Variants in CA8 observed in about 807,000 individuals in gnomAD.
CA8 encodes carbonic anhydrase-related protein.
Under a neutral mutation model 41.4 loss-of-function variants are expected in CA8, and 22 were observed. The observed-to-expected ratio is 0.53, with a 90% CI of 0.38 to 0.76. The LOEUF is 0.76. CA8 is among the 30% of genes least tolerant of loss of function. The pLI, the probability that CA8 is intolerant of heterozygous loss-of-function variation, is 0.00. For synonymous variants in CA8, 121 were observed against 130.6 expected (o/e 0.93, Z 0.50); for missense variants, 270 against 352.8 (o/e 0.77, Z 1.88).
chr8:60,227,148 G>A (rs1467965242), intron 4 of CA8, among the ~76,000 whole-genome samples: 1 of 152,084 alleles, frequency 6.6e-6, no homozygotes, highest in Non-Finnish European at 1.5e-5. Context: ...AAAATTAGCT[G>A]GGCATGGTGG....
chr8:60,266,139 GCT>G, intron 2 of CA8, 90 bp from the exon 3 acceptor site: 1 of 1,167,846 alleles, frequency 8.6e-7, no homozygotes, highest in Non-Finnish European at 1.2e-6. Flanking sequence ...CCACCAAAAT[GCT>G]CTCATGGGCT....
intron 2 of CA8, among the ~76,000 whole-genome samples, chr8:60,270,521 T>C (rs1275687923): frequency 6.6e-6 from 1 of 152,192 alleles, no homozygotes; most frequent in Non-Finnish European, 1.5e-5. Flanking sequence ...GTTCAAGAGA[T>C]TCTCCTGCCT....
At chr8:60,216,156 A>G (rs562263853) in intron 7 of CA8, among the ~76,000 whole-genome samples, 1 of 152,274 alleles carries the variant, frequency 6.6e-6, no homozygotes, top group South Asian at 2.1e-4. Context: ...TCTAACTCCT[A>G]GAATCACATT....
chr8:60,275,416 T>C (rs1476354880), intron 2 of CA8, among the ~76,000 whole-genome samples: 1 of 150,948 alleles, frequency 6.6e-6, no homozygotes, highest in Non-Finnish European at 1.5e-5. Context: ...TAGAAAAGAA[T>C]GAAGAAAGAT....
intron 8 of CA8, among the ~76,000 whole-genome samples, chr8:60,201,855 A>T (rs1310713749): frequency 6.6e-6 from 1 of 152,204 alleles, no homozygotes; most frequent in Admixed American, 6.6e-5. Flanking sequence ...TTCGTGTTGT[A>T]CTTTAATGCA....
intron 7 of CA8, among the ~76,000 whole-genome samples, chr8:60,217,056 G>T (rs1332824875): frequency 6.6e-6 from 1 of 151,946 alleles, no homozygotes; most frequent in Non-Finnish European, 1.5e-5. Flanking sequence ...GCTAATTTTT[G>T]TATCTTTAGT....
intron 8 of CA8, among the ~76,000 whole-genome samples, chr8:60,201,015 G>A (rs1034077047): frequency 2.6e-5 from 4 of 152,150 alleles, no homozygotes; most frequent in African/African-American, 9.7e-5. Flanking sequence ...GGGTTGTGAT[G>A]ACAAAGATGG....
intron 8 of CA8, among the ~76,000 whole-genome samples, chr8:60,195,026 T>C: frequency 6.6e-6 from 1 of 152,196 alleles, no homozygotes; most frequent in East Asian, 1.9e-4. Context: ...TACAAATTTA[T>C]TTGGTAAAAC....
chr8:60,233,658 T>G (rs1326132712), intron 3 of CA8, among the ~76,000 whole-genome samples: 1 of 152,238 alleles, frequency 6.6e-6, no homozygotes, highest in Non-Finnish European at 1.5e-5. Context: ...GTCCTAGTGG[T>G]AGAGGTAAGA....
intron 3 of CA8, among the ~76,000 whole-genome samples, chr8:60,246,709 T>C (rs1293446113): frequency 1.3e-5 from 2 of 152,162 alleles, no homozygotes; most frequent in Non-Finnish European, 2.9e-5. Context: ...CTGTACATAA[T>C]GTAACTCAGA....
At chr8:60,239,963 A>T (rs1807963464) in intron 3 of CA8, among the ~76,000 whole-genome samples, 1 of 152,158 alleles carries the variant, frequency 6.6e-6, no homozygotes, top group African/African-American at 2.4e-5. Context: ...CTTTTTCTTT[A>T]TAAATTACCC....
At chr8:60,253,113 T>C (rs1039875763) in intron 3 of CA8, among the ~76,000 whole-genome samples, 1 of 152,040 alleles carries the variant, frequency 6.6e-6, no homozygotes, top group Admixed American at 6.6e-5. Context: ...CACGCACTTA[T>C]AGTCCCAGCT....
chr8:60,247,074 G>A (rs1390614129), intron 3 of CA8, among the ~76,000 whole-genome samples: 10 of 151,668 alleles, frequency 6.6e-5, no homozygotes, highest in African/African-American at 1.9e-4. Flanking sequence ...TAGTAGAGAC[G>A]GGGTTTCACG....
At chr8:60,275,883 G>C (rs74754541) in intron 2 of CA8, among the ~76,000 whole-genome samples, 1 of 152,156 alleles carries the variant, frequency 6.6e-6, no homozygotes, top group Non-Finnish European at 1.5e-5. Flanking sequence ...GAAGCAGAAC[G>C]GCGCTAGATC....
intron 2 of CA8, among the ~76,000 whole-genome samples, chr8:60,276,636 A>C (rs1389513878): frequency 6.6e-6 from 1 of 152,212 alleles, no homozygotes; most frequent in Non-Finnish European, 1.5e-5. Flanking sequence ...AGGCATGAGA[A>C]ATTACATAAT....
intron 8 of CA8, among the ~76,000 whole-genome samples, chr8:60,196,582 T>C (rs1806288226): frequency 6.6e-6 from 1 of 152,198 alleles, no homozygotes; most frequent in South Asian, 2.1e-4. Flanking sequence ...CCTATGCATT[T>C]TTCCTTGATA....
At chr8:60,204,936 C>T (rs926811611) in intron 8 of CA8, among the ~76,000 whole-genome samples, 1 of 152,154 alleles carries the variant, frequency 6.6e-6, no homozygotes, top group Admixed American at 6.6e-5. Context: ...CCTCTTCTAA[C>T]CTGTAACTCT....
intron 2 of CA8, among the ~76,000 whole-genome samples, chr8:60,270,534 G>T (rs1055550219): frequency 2.6e-5 from 4 of 152,150 alleles, no homozygotes; most frequent in Non-Finnish European, 5.9e-5. Flanking sequence ...TCCTGCCTCA[G>T]TCTCCCTAGT....
At chr8:60,249,348 T>C (rs1260604567) in intron 3 of CA8, among the ~76,000 whole-genome samples, 1 of 152,168 alleles carries the variant, frequency 6.6e-6, no homozygotes, top group Non-Finnish European at 1.5e-5. Flanking sequence ...TCCTATAATG[T>C]GAGAGGAAAT....
Sources: allele counts gnomAD v4.1 joint callset (sites outside exome capture counted in the v4.1 genomes callset), GRCh38; gene constraint gnomAD v4.1.1; transcripts MANE v1.5; gene names NCBI Gene and HGNC (gene_info 2026-07-23, HGNC 2026-07-21).